The following RTL4 variants were observed in gnomAD, a reference collection of about 807,000 sequenced individuals.
RTL4 encodes retrotransposon Gag-like protein 4.
Under a neutral mutation model 5.3 loss-of-function variants are expected in RTL4, and 4 were observed. That is an observed-to-expected ratio of 0.75 (90% confidence interval 0.37 to 1.72). RTL4 has a LOEUF of 1.72. Among genes scored for constraint, RTL4 ranks in the 40% most tolerant of loss-of-function variants. The probability of loss-of-function intolerance (pLI) is 0.04; values close to 1 mark genes in which losing one functional copy is unlikely to be tolerated. For missense variants in RTL4, 260 were observed against 227.1 expected (o/e 1.14, Z -0.93); for synonymous variants, 98 against 87.3 (o/e 1.12, Z -0.68).
At chrX:112,360,440 T>G in the RTL4 span, among the ~76,000 whole-genome samples, 1 of 111,436 alleles carries the variant, frequency 9.0e-6, no homozygotes, top group Non-Finnish European at 1.9e-5. Context: ...TGAGAAAACC[T>G]AAGGCAACAC....
the RTL4 span, among the ~76,000 whole-genome samples, chrX:112,163,178 G>A: frequency 8.9e-6 from 1 of 111,925 alleles, no homozygotes; most frequent in Non-Finnish European, 1.9e-5. Context: ...GTTGTAGAAA[G>A]AGCCCAAGTG....
the RTL4 span, among the ~76,000 whole-genome samples, chrX:112,200,472 A>G: frequency 1.6e-4 from 18 of 112,128 alleles, no homozygotes; most frequent in African/African-American, 5.2e-4. Context: ...TATTTGTTGA[A>G]TGAATGTATG....
chrX:112,343,531 A>G, the RTL4 span, among the ~76,000 whole-genome samples: 1 of 112,341 alleles, frequency 8.9e-6, no homozygotes, highest in Non-Finnish European at 1.9e-5. Flanking sequence ...AGTTGTTTGG[A>G]GAAATGCTGG....
chrX:112,263,869 A>G, the RTL4 span, among the ~76,000 whole-genome samples: 1 of 111,775 alleles, frequency 8.9e-6, no homozygotes. Flanking sequence ...TAAAATCATG[A>G]TGTGTACCTT....
the RTL4 span, among the ~76,000 whole-genome samples, chrX:112,335,371 A>C: frequency 8.9e-6 from 1 of 112,030 alleles, no homozygotes; most frequent in Non-Finnish European, 1.9e-5. Context: ...AAAAGAAAGA[A>C]AGAAACAAAC....
Position 112,454,672 on chromosome X carries a change from T to TG in RTL4, c.-55dup, listed in dbSNP as rs1926800409. The stretch of plus-strand genomic sequence containing the variant: ...CACAGAGCAAATCCACTGTCTCCAT[T>TG]GGTTTCCAGTACTAGTACTCAATTC... On this transcript the variant is annotated 5_prime_UTR_variant, in exon 1 of 1. Transcript: ENST00000340433. 5.7e-6 allele frequency: 6 copies of TG among 1,049,141 alleles called. No homozygotes were observed. The East Asian group carries it at 1.8e-4, about 32-fold the overall frequency. 86.5% of individuals were successfully genotyped at this position (1,049,141 alleles called of 1,213,427 possible).
the RTL4 span, among the ~76,000 whole-genome samples, chrX:112,228,041 AT>A: frequency 9.0e-6 from 1 of 111,433 alleles, no homozygotes; most frequent in Non-Finnish European, 1.9e-5. Context: ...AGATAAAGGT[AT>A]GACAATATTT....
At chrX:112,233,958 C>A in the RTL4 span, among the ~76,000 whole-genome samples, 2 of 110,700 alleles carry the variant, frequency 1.8e-5, no homozygotes, top group Non-Finnish European at 3.8e-5. Flanking sequence ...TTTGGGAGGC[C>A]GAGGCAGGCA....
At chrX:112,268,314 C>G in the RTL4 span, among the ~76,000 whole-genome samples, 1 of 112,371 alleles carries the variant, frequency 8.9e-6, no homozygotes, top group Non-Finnish European at 1.9e-5. Context: ...GTCCACATGG[C>G]TTGTTCTCTC....
the RTL4 span, among the ~76,000 whole-genome samples, chrX:112,438,890 C>T: frequency 4.5e-5 from 5 of 112,162 alleles, no homozygotes; most frequent in Admixed American, 4.7e-4. Context: ...TCATCCTTAA[C>T]TAAGTGATAA....
the RTL4 span, among the ~76,000 whole-genome samples, chrX:112,229,363 AC>A: frequency 8.9e-6 from 1 of 111,971 alleles, no homozygotes; most frequent in African/African-American, 3.2e-5. Context: ...TACTATTATC[AC>A]CCCCACTTTA....
the RTL4 span, among the ~76,000 whole-genome samples, chrX:112,367,168 T>G: frequency 9.0e-6 from 1 of 111,471 alleles, no homozygotes; most frequent in African/African-American, 3.3e-5. Context: ...CTAACATAAT[T>G]GGCCACTTCC....
At chrX:112,322,489 A>G in the RTL4 span, among the ~76,000 whole-genome samples, 1 of 111,278 alleles carries the variant, frequency 9.0e-6, no homozygotes, top group Non-Finnish European at 1.9e-5. Context: ...AGAACAAAGC[A>G]CATTCACGTA....
chrX:112,242,798 GT>G, the RTL4 span, among the ~76,000 whole-genome samples: 1 of 111,505 alleles, frequency 9.0e-6, no homozygotes, highest in Non-Finnish European at 1.9e-5. Flanking sequence ...ATGCTTCCAG[GT>G]TTTGCCCATT....
the RTL4 span, among the ~76,000 whole-genome samples, chrX:112,356,492 T>A: frequency 9.0e-6 from 1 of 110,873 alleles, no homozygotes; most frequent in Non-Finnish European, 1.9e-5. Flanking sequence ...GAGGGAAGGT[T>A]CTGGAAGAAA....
At chrX:112,416,224 C>G in the RTL4 span, among the ~76,000 whole-genome samples, 1 of 111,564 alleles carries the variant, frequency 9.0e-6, no homozygotes, top group East Asian at 2.8e-4. Flanking sequence ...ACCAAGGACC[C>G]ACCCTACTCC....
chrX:112,356,852 A>C, the RTL4 span, among the ~76,000 whole-genome samples: 62 of 111,600 alleles, frequency 5.6e-4, no homozygotes, highest in Admixed American at 1.5e-3. Flanking sequence ...TCATGTGTTC[A>C]TCTTAACCCA....
the RTL4 span, among the ~76,000 whole-genome samples, chrX:112,158,617 G>A: frequency 1.8e-5 from 2 of 110,660 alleles, no homozygotes; most frequent in Non-Finnish European, 3.8e-5. Flanking sequence ...GATATATGAT[G>A]TCCACATTTC....
At chrX:112,361,126 C>A in the RTL4 span, among the ~76,000 whole-genome samples, 1 of 111,109 alleles carries the variant, frequency 9.0e-6, no homozygotes, top group Non-Finnish European at 1.9e-5. Context: ...AAAACTAAAT[C>A]CAAAATTTGC....
Sources: gnomAD v4.1 joint callset for allele counts (sites outside exome capture counted in the v4.1 genomes callset) on GRCh38, gnomAD v4.1.1 for gene constraint, MANE v1.5 for transcripts, NCBI Gene and HGNC (gene_info 2026-07-23, HGNC 2026-07-21) for gene names.